The following SLC4A8 variants were observed in gnomAD, a reference collection of about 807,000 sequenced individuals.
SLC4A8 encodes electroneutral sodium bicarbonate exchanger 1.
In SLC4A8, 40 loss-of-function variants were observed where a neutral mutation model predicts 125.0. The observed-to-expected ratio is 0.32, with a 90% CI of 0.25 to 0.42. The LOEUF (loss-of-function observed/expected upper bound fraction) is 0.42, where lower values mean the gene tolerates loss of function less well. Ranked by LOEUF, SLC4A8 falls within the 10% of genes least tolerant of loss-of-function variation. The pLI, the probability that SLC4A8 is intolerant of heterozygous loss-of-function variation, is 1.00. For synonymous variants in SLC4A8, 456 were observed against 476.0 expected (o/e 0.96, Z 0.55); for missense variants, 863 against 1,355.1 (o/e 0.64, Z 5.70).
chr12:51,493,769 T>C lies in SLC4A8; in HGVS notation c.2766T>C (p.Ile922=). The C allele has an allele frequency of 6.3e-7, 1 of 1,595,090 alleles. No individual in the cohort carries two copies. The highest frequency in any genetic ancestry group is 8.6e-7 in the Non-Finnish European group (1 of 1,162,488). Residue 922 remains isoleucine, a synonymous_variant, in exon 20 of 25, where the codon ATT becomes ATC. Transcript: ENST00000453097. ...LYMGVSSLQG[I]QFFDRLKLFG... is the part of the protein sequence containing the mutation. ...TGGGAGTTTCTTCACTACAGGGAAT[T>C]CAGGTATTGTATGGTTCAGCCAGGG...
chr12:51,506,625 G>A (rs1489586816), intron 24 of SLC4A8, among the ~76,000 whole-genome samples: 1 of 152,092 alleles, frequency 6.6e-6, no homozygotes, highest in Non-Finnish European at 1.5e-5. Flanking sequence ...ATAGAGATGA[G>A]GATTTACTGT....
chr12:51,462,427 A>AT lies in SLC4A8; in HGVS notation c.1221dup (p.Glu408Ter). 1 of 1,585,842 alleles carries AT rather than the reference A, an allele frequency of 6.3e-7. No homozygotes were observed. Among genetic ancestry groups the AT allele is most frequent in the Non-Finnish European group, 8.6e-7 (1 of 1,168,866 alleles). ...AGGAGAGTGGGATCCCTCCATTAGAATTGAGCCACCCAAAAATGTCCCTTC... is the reference window on the plus strand; with the variant it reads ...AGGAGAGTGGGATCCCTCCATTAGAATTTGAGCCACCCAAAAATGTCCCTTC... On this transcript the variant is annotated frameshift_variant, in exon 10 of 25. Coordinates refer to ENST00000453097, the MANE Select transcript of SLC4A8 (RefSeq NM_001039960.3). LOFTEE classifies it high-confidence loss of function.
At chr12:51,425,349 C>A in intron 1 of SLC4A8, 1 of 1,194,234 alleles carries the variant, frequency 8.4e-7, no homozygotes, top group Non-Finnish European at 1.0e-6. Flanking sequence ...TTGGAAGGGG[C>A]CGGCGTCTGG....
In SLC4A8 at chr12:51,446,619, C is replaced by T. The variant is rs57240461; in HGVS notation, c.131-4257C>T. Among the ~76,000 whole-genome samples the T allele has an allele frequency of 8.7e-3, 1,330 of 152,332 alleles. 15 individuals are homozygous for T. Among genetic ancestry groups the T allele is most frequent in the African/African-American group, 0.03 (1,262 of 41,568 alleles). Reference sequence around the variant, plus strand: ...TCGGGGAAGTCTTCCTGATGAAGCTCTCCATTCTCAGGTCAGTTAGGACTT... The same window carrying T: ...TCGGGGAAGTCTTCCTGATGAAGCTTTCCATTCTCAGGTCAGTTAGGACTT... On this transcript the variant is annotated intron_variant, in intron 2 of 24. Transcript: ENST00000453097.
rs1179316609 is a variant in SLC4A8, at chr12:51,512,714, A to G, written c.*5276A>G. On this transcript the variant is annotated 3_prime_UTR_variant, in exon 25 of 25. Coordinates refer to ENST00000453097, the MANE Select transcript of SLC4A8 (RefSeq NM_001039960.3). ...TGACAAATGAGAGTGTAGCCATAAG[A>G]TTTCATTGTTACTACTAGTCTTTGT... 2 of 152,006 alleles carry G rather than the reference A, an allele frequency of 1.3e-5. No individual in the cohort carries two copies. Among genetic ancestry groups the G allele is most frequent in the East Asian group, 3.9e-4 (2 of 5,184 alleles). The allele number at this position is 152,006 out of a possible 1,614,324, so 9.4% of individuals were successfully genotyped here. A position where few individuals can be genotyped will look rare whatever the true frequency, so the allele number is the denominator to read the frequency against.
At chr12:51,465,872 T>C (rs1206821910) in intron 11 of SLC4A8, among the ~76,000 whole-genome samples, 1 of 152,214 alleles carries the variant, frequency 6.6e-6, no homozygotes, top group Non-Finnish European at 1.5e-5. Context: ...TTTTTGTATA[T>C]GGACATCCTA....
At chr12:51,433,851 G>GTT (rs869249897) in intron 1 of SLC4A8, among the ~76,000 whole-genome samples, 13 of 65,272 alleles carry the variant, frequency 2.0e-4, no homozygotes, top group South Asian at 5.7e-4. Context: ...CACACCATCT[G>GTT]TTTTTTTTTT....
At chr12:51,498,076 T>C (rs1189395852) in intron 22 of SLC4A8, among the ~76,000 whole-genome samples, 1 of 151,634 alleles carries the variant, frequency 6.6e-6, no homozygotes, top group Non-Finnish European at 1.5e-5. Flanking sequence ...GACTTTTTTT[T>C]CCCCTAATAT....
chr12:51,413,922 A>G (rs1948638224), intron 1 of SLC4A8, among the ~76,000 whole-genome samples: 3 of 152,112 alleles, frequency 2.0e-5, no homozygotes, highest in Admixed American at 2.0e-4. Flanking sequence ...TTGGTTTCAG[A>G]CAAATTTTAC....
intron 1 of SLC4A8, among the ~76,000 whole-genome samples, chr12:51,438,320 C>A (rs1949486197): frequency 6.6e-6 from 1 of 152,132 alleles, no homozygotes; most frequent in Non-Finnish European, 1.5e-5. Context: ...CTCTCTTATA[C>A]TTCTTACTTC....
intron 10 of SLC4A8, 75 bp from the exon 11 acceptor site, chr12:51,463,539 A>C: frequency 8.7e-7 from 1 of 1,155,856 alleles, no homozygotes; most frequent in Non-Finnish European, 1.3e-6. Context: ...GGGTTATCCC[A>C]TTCCCACTCC....
At chr12:51,421,446 A>G (rs946593070), upstream of SLC4A8, among the ~76,000 whole-genome samples, 12 of 152,256 alleles carry the variant, frequency 7.9e-5, no homozygotes, top group Non-Finnish European at 1.5e-4. Context: ...AATTTGCACA[A>G]TAGGCCAGAA....
intron 1 of SLC4A8, among the ~76,000 whole-genome samples, chr12:51,410,876 CTTTTT>C (rs58043742): frequency 2.6e-5 from 3 of 117,404 alleles, no homozygotes; most frequent in Non-Finnish European, 5.2e-5. Context: ...CTTTTCTTTT[CTTTTT>C]TTTTTTTTTT....
chr12:51,493,424 G>A, intron 19 of SLC4A8, among the ~76,000 whole-genome samples: 1 of 152,088 alleles, frequency 6.6e-6, no homozygotes, highest in Non-Finnish European at 1.5e-5. Flanking sequence ...GTGTGTGTAT[G>A]TGTGCCCATC....
rs183676133 is a variant in SLC4A8, at chr12:51,491,866, G to A, written c.2701-1838G>A. On this transcript the variant is annotated intron_variant, in intron 19 of 24. Transcript: ENST00000453097. Reference sequence around the variant, plus strand: ...TAGGGATTTAGTGCATTTTAACATGGAACTTTTTTACTGACCAGTGACTTG... The same window carrying A: ...TAGGGATTTAGTGCATTTTAACATGAAACTTTTTTACTGACCAGTGACTTG... Among the ~76,000 whole-genome samples the A allele has an allele frequency of 3.3e-3, 500 of 151,714 alleles. 4 individuals carry two copies. Among genetic ancestry groups the A allele is most frequent in the Non-Finnish European group, 5.2e-3 (351 of 67,884 alleles).
intron 1 of SLC4A8, among the ~76,000 whole-genome samples, chr12:51,398,574 A>T (rs1223955039): frequency 2.0e-5 from 3 of 152,218 alleles, no homozygotes; most frequent in Non-Finnish European, 4.4e-5. Context: ...TCTTTAAAAG[A>T]AGAAACATAT....
chr12:51,468,531 G>A (rs1258853381), intron 11 of SLC4A8, among the ~76,000 whole-genome samples: 3 of 152,142 alleles, frequency 2.0e-5, no homozygotes, highest in Non-Finnish European at 4.4e-5. Context: ...AGGCCAAGGC[G>A]AGCAGATCAT....
chr12:51,479,083 T>G (rs1177312831), intron 16 of SLC4A8, among the ~76,000 whole-genome samples: 1 of 152,216 alleles, frequency 6.6e-6, no homozygotes, highest in Non-Finnish European at 1.5e-5. Flanking sequence ...CTGCCTTCTC[T>G]TCTCTGACAT....
chr12:51,405,511 A>AAAT (rs1948468400), intron 1 of SLC4A8, among the ~76,000 whole-genome samples: 1 of 152,172 alleles, frequency 6.6e-6, no homozygotes, highest in South Asian at 2.1e-4. Context: ...CATTATATAT[A>AAAT]AATAATACCG....
Sources: allele counts gnomAD v4.1 joint callset (sites outside exome capture counted in the v4.1 genomes callset), GRCh38; gene constraint gnomAD v4.1.1; transcripts MANE v1.5; gene names NCBI Gene and HGNC (gene_info 2026-07-23, HGNC 2026-07-21).